ZNF330: variants seen among roughly 807,000 people sequenced by gnomAD.
The protein encoded by ZNF330 is zinc finger protein 330.
Under a neutral mutation model 45.5 loss-of-function variants are expected in ZNF330, and 31 were observed. That is an observed-to-expected ratio of 0.68 (90% CI 0.51 to 0.92). ZNF330 has a LOEUF of 0.92. Ranked by LOEUF, ZNF330 falls within the 40% of genes least tolerant of loss-of-function variation. The probability of loss-of-function intolerance (pLI) is 0.00; values close to 1 mark genes in which losing one functional copy is unlikely to be tolerated. For missense variants in ZNF330, 356 were observed against 387.4 expected, an observed-to-expected ratio of 0.92 and a Z score of 0.68; for synonymous variants, 138 against 123.2, an observed-to-expected ratio of 1.12 and a Z score of -0.79.
intron 2 of ZNF330, chr4:141,223,773 A>G (rs1319613665): frequency 6.6e-6 from 3 of 456,136 alleles, no homozygotes; most frequent in African/African-American, 6.0e-5. Context: ...TATTAGGACT[A>G]AGAGGTGATA....
In ZNF330 at chr4:141,232,513, T is replaced by C; in HGVS notation, c.571-12T>C. 7.0e-7 allele frequency: 1 copy of C among 1,437,880 alleles called. No individual in the cohort carries two copies. The allele number at this position is 1,437,880 out of a possible 1,614,324, so 89.1% of individuals were successfully genotyped here. ...TTTTATTTATTTACTTTATTTTGCT[T>C]CTCCTATACAGGCTTGTTTCTGTGA... is the stretch of plus-strand genomic sequence containing the variant. On this transcript the variant is annotated splice_polypyrimidine_tract_variant and intron_variant, in intron 8 of 9. Transcript: ENST00000262990.
intron 4 of ZNF330, among the ~76,000 whole-genome samples, chr4:141,226,057 G>C (rs1367078883): frequency 6.6e-6 from 1 of 152,032 alleles, no homozygotes; most frequent in East Asian, 1.9e-4. Flanking sequence ...GATGATTAAT[G>C]TCATCATTAA....
chr4:141,222,094 AAAG>A (rs1728692780), intron 1 of ZNF330, among the ~76,000 whole-genome samples: 1 of 152,168 alleles, frequency 6.6e-6, no homozygotes, highest in African/African-American at 2.4e-5. Flanking sequence ...CTTAGTGGGA[AAAG>A]AAGACTAGTT....
chr4:141,231,193 AAG>A (rs1268366871), intron 7 of ZNF330, among the ~76,000 whole-genome samples: 19 of 152,252 alleles, frequency 1.2e-4, no homozygotes, highest in African/African-American at 4.6e-4. Context: ...CTCAGATTAA[AAG>A]AGCATCTCGA....
intron 5 of ZNF330, among the ~76,000 whole-genome samples, chr4:141,229,002 A>G (rs181317073): frequency 1.8e-4 from 27 of 152,208 alleles, no homozygotes; most frequent in Admixed American, 1.4e-3. Flanking sequence ...TTTTAGTTCC[A>G]TATATTTTAC....
In ZNF330 at chr4:141,234,204, T is replaced by C; in HGVS notation, c.*215T>C. The C allele has an allele frequency of 1.1e-6, 1 of 885,200 alleles. No individual in the cohort carries two copies. The highest frequency in any genetic ancestry group is 3.4e-5 in the South Asian group (1 of 29,226). 54.8% of individuals were successfully genotyped at this position (885,200 alleles called of 1,614,324 possible). On this transcript the variant is annotated 3_prime_UTR_variant, in exon 10 of 10. Coordinates refer to ENST00000262990, the MANE Select transcript of ZNF330 (RefSeq NM_014487.6). ...ATGAGTTTCAAATTTAAGATGTTTA[T>C]TGATCGAAGCAATTGAAGTATCATG...
At chr4:141,232,261 T>G (rs1324985640) in intron 8 of ZNF330, among the ~76,000 whole-genome samples, 1 of 152,146 alleles carries the variant, frequency 6.6e-6, no homozygotes, top group Admixed American at 6.6e-5. Flanking sequence ...ATCAGGGACC[T>G]TATGAGTACT....
chr4:141,233,602 T>G, intron 9 of ZNF330, 113 bp from the exon 10 acceptor site: 1 of 1,439,430 alleles, frequency 6.9e-7, no homozygotes, highest in African/African-American at 1.4e-5. Context: ...TGTGACCTAT[T>G]TTTTCATTTG....
chr4:141,234,115 T>C lies in ZNF330; in HGVS notation c.*126T>C. 1 of 1,455,206 alleles carries C rather than the reference T, an allele frequency of 6.9e-7. No homozygotes were observed. The highest frequency in any genetic ancestry group is 9.0e-7 in the Non-Finnish European group (1 of 1,109,300). The allele number at this position is 1,455,206 out of a possible 1,614,324, so 90.1% of individuals were successfully genotyped here. ...TGTGCAGAAGACTAGTTACACTTAA[T>C]GGGCCAAGCAATAGGGTGTAGCGTT... On this transcript the variant is annotated 3_prime_UTR_variant, in exon 10 of 10. Transcript: ENST00000262990.
chr4:141,233,626 C>A, intron 9 of ZNF330, 89 bp from the exon 10 acceptor site: 1 of 1,455,734 alleles, frequency 6.9e-7, no homozygotes, highest in Non-Finnish European at 9.1e-7. Context: ...TTGAAGCAGC[C>A]AATGAAATCC....
At chr4:141,233,693 T>TGTACTTG (rs1452864431) in intron 9 of ZNF330, 22 bp from the exon 10 acceptor site, 1 of 1,599,418 alleles carries the variant, frequency 6.3e-7, no homozygotes, top group Non-Finnish European at 8.5e-7. Flanking sequence ...CAAAATGCCT[T>TGTACTTG]GTACTTGTCT....
Position 141,229,687 on chromosome 4 carries a change from G to T in ZNF330, c.408G>T (p.Val136=), listed in dbSNP as rs780325722. ...DAECVECERG[V]WDHGGRIFSC... Reference sequence around the variant, plus strand: ...AGTGTGTTGAATGTGAACGAGGCGTGTGGGACCATGGTGAGTCATTAGACA... The same window carrying T: ...AGTGTGTTGAATGTGAACGAGGCGTTTGGGACCATGGTGAGTCATTAGACA... The change falls in exon 6 of 10, where the codon GTG becomes GTT. Residue 136 remains valine, a synonymous_variant. Coordinates refer to ENST00000262990, the MANE Select transcript of ZNF330 (RefSeq NM_014487.6). 1.2e-6 allele frequency: 2 copies of T among 1,613,058 alleles called. No homozygotes were observed. Among genetic ancestry groups the T allele is most frequent in the Admixed American group, 3.3e-5 (2 of 59,970 alleles).
chr4:141,233,700 G>A lies in ZNF330; in HGVS notation c.689-15G>A. 6.2e-7 allele frequency: 1 copy of A among 1,607,522 alleles called. No homozygotes were observed. On this transcript the variant is annotated splice_polypyrimidine_tract_variant and intron_variant, in intron 9 of 9. Transcript: ENST00000262990. ...GGAACTAACAAAATGCCTTGTACTTGTCTGTCTTCTATAGCACGCTCCCTG... is the reference window on the plus strand; with the variant it reads ...GGAACTAACAAAATGCCTTGTACTTATCTGTCTTCTATAGCACGCTCCCTG...
At chr4:141,223,824 G>A (rs1451572316) in intron 2 of ZNF330, 1 of 455,290 alleles carries the variant, frequency 2.2e-6, no homozygotes, top group Non-Finnish European at 4.4e-6. Context: ...CACAGAAGAG[G>A]TGGGATTTTC....
intron 9 of ZNF330, among the ~76,000 whole-genome samples, chr4:141,233,461 G>C (rs912819066): frequency 6.6e-6 from 1 of 152,054 alleles, no homozygotes; most frequent in Non-Finnish European, 1.5e-5. Flanking sequence ...AGGTATTTTT[G>C]TTTTAAACAT....
intron 2 of ZNF330, chr4:141,223,913 T>G: frequency 2.5e-6 from 1 of 397,426 alleles, no homozygotes; most frequent in East Asian, 7.3e-5. Flanking sequence ...AGAGAGAATA[T>G]AAGACATATT....
At chr4:141,228,473 T>C (rs1326181212) in intron 5 of ZNF330, among the ~76,000 whole-genome samples, 10 of 152,088 alleles carry the variant, frequency 6.6e-5, no homozygotes, top group Admixed American at 6.6e-4. Flanking sequence ...CAGGTTATCC[T>C]GGTTTGGTTT....
rs34631212 is a variant in ZNF330 at position 141,233,918 on chromosome 4, T to A, written c.892T>A (p.Leu298Met). ...RKDSDTESSDLFTNLNLGRTY... is the reference protein window; with the variant it reads ...RKDSDTESSDMFTNLNLGRTY... Reference sequence around the variant, plus strand: ...GGATTCAGATACTGAGTCATCAGATTTGTTTACTAATTTGAATTTAGGAAG... The same window carrying A: ...GGATTCAGATACTGAGTCATCAGATATGTTTACTAATTTGAATTTAGGAAG... Residue 298 changes from leucine to methionine, a missense_variant, in exon 10 of 10, where the codon TTG becomes ATG. Leu to Met is a conservative substitution (Grantham distance 15). Transcript: ENST00000262990. The A allele has an allele frequency of 6.1e-3, 9,873 of 1,613,700 alleles. 523 individuals carry two copies. In the African/African-American group the frequency reaches 0.12, roughly 19 times the overall value.
intron 5 of ZNF330, among the ~76,000 whole-genome samples, chr4:141,228,494 C>T (rs962002121): frequency 1.3e-5 from 2 of 152,076 alleles, no homozygotes; most frequent in Admixed American, 6.6e-5. Flanking sequence ...TATCCTTTCT[C>T]TAAGGACCAC....
Sources: allele counts gnomAD v4.1 joint callset (sites outside exome capture counted in the v4.1 genomes callset), GRCh38; gene constraint gnomAD v4.1.1; transcripts MANE v1.5; gene names NCBI Gene and HGNC (gene_info 2026-07-23, HGNC 2026-07-21).